The following NDUFAF6 variants were observed in gnomAD, a reference collection of about 807,000 sequenced individuals.
The protein encoded by NDUFAF6 is NADH dehydrogenase (ubiquinone) complex I, assembly factor 6.
A neutral mutation model predicts 40.8 loss-of-function variants in NDUFAF6; 45 were observed. The ratio of observed to expected loss-of-function variants is 1.10; its 90% CI spans 0.87 to 1.42. The LOEUF is 1.42. NDUFAF6 is among the 40% of genes most tolerant of loss of function. The pLI, the probability that NDUFAF6 is intolerant of heterozygous loss-of-function variation, is 0.00. For missense variants in NDUFAF6, 435 were observed against 418.5 expected (o/e 1.04, Z -0.34); for synonymous variants, 185 against 155.9 (o/e 1.19, Z -1.39).
At chr8:95,076,154 T>C (rs1229021055) in exon 10 of NDUFAF6, 1 of 153,492 alleles carries the variant, frequency 6.5e-6, no homozygotes, top group Non-Finnish European at 1.5e-5. Flanking sequence ...CCTCACACAA[T>C]TCACAATTTT....
chr8:94,929,967 T>G (rs369335108), intron 1 of NDUFAF6: 3 of 153,452 alleles, frequency 2.0e-5, no homozygotes, highest in South Asian at 2.1e-4. Flanking sequence ...CCAGCCATAA[T>G]TCCATTATAT....
At chr8:94,998,962 G>A (rs527848333) in intron 2 of NDUFAF6, among the ~76,000 whole-genome samples, 10 of 151,904 alleles carry the variant, frequency 6.6e-5, no homozygotes, top group African/African-American at 1.9e-4. Context: ...TTAGATCAGT[G>A]GTTTTCAAAC....
intron 9 of NDUFAF6, among the ~76,000 whole-genome samples, chr8:95,064,760 G>A (rs1832662295): frequency 6.6e-6 from 1 of 151,978 alleles, no homozygotes; most frequent in Non-Finnish European, 1.5e-5. Flanking sequence ...TCTGATTGTG[G>A]GTGATAAGAC....
intron 1 of NDUFAF6, among the ~76,000 whole-genome samples, chr8:94,902,820 C>T (rs1314432441): frequency 1.3e-5 from 2 of 151,528 alleles, no homozygotes; most frequent in African/African-American, 2.4e-5. Flanking sequence ...CTCAGCCTCC[C>T]GAGTAGTTGG....
chr8:94,956,463 C>T (rs1317966400), upstream of NDUFAF6, among the ~76,000 whole-genome samples: 20 of 152,076 alleles, frequency 1.3e-4, no homozygotes, highest in Non-Finnish European at 2.9e-4. Flanking sequence ...GCAGTGTGGC[C>T]AGAGTGCAGT....
upstream of NDUFAF6, among the ~76,000 whole-genome samples, chr8:95,099,737 T>C (rs776893604): frequency 6.6e-6 from 1 of 152,236 alleles, no homozygotes; most frequent in Non-Finnish European, 1.5e-5. Context: ...CTCCCAGTTA[T>C]GGAGCTTCAG....
intron 2 of NDUFAF6, among the ~76,000 whole-genome samples, chr8:95,006,822 G>A (rs1447444669): frequency 6.6e-6 from 1 of 152,062 alleles, no homozygotes; most frequent in Non-Finnish European, 1.5e-5. Context: ...GGAGGAGGTT[G>A]CAATGAGCCG....
At chr8:95,015,655 TG>T (rs1230893623) in intron 2 of NDUFAF6, among the ~76,000 whole-genome samples, 2 of 152,226 alleles carry the variant, frequency 1.3e-5, no homozygotes, top group Admixed American at 6.5e-5. Flanking sequence ...GGCACTGTGT[TG>T]GAAATTGCAA....
intron 2 of NDUFAF6, among the ~76,000 whole-genome samples, chr8:95,094,078 C>A (rs1430997886): frequency 1.3e-5 from 2 of 151,556 alleles, no homozygotes; most frequent in African/African-American, 2.4e-5. Context: ...TCAAGCGATT[C>A]TCCTGCCTCA....
chr8:94,962,483 G>A (rs1823656391), intron 1 of NDUFAF6, among the ~76,000 whole-genome samples: 1 of 152,156 alleles, frequency 6.6e-6, no homozygotes, highest in South Asian at 2.1e-4. Flanking sequence ...AGTAGACATG[G>A]GGTTTTGCCA....
At chr8:94,940,141 T>A (rs1268359965) in intron 1 of NDUFAF6, 1 of 1,614,180 alleles carries the variant, frequency 6.2e-7, no homozygotes. Context: ...AGGAAAAGAC[T>A]GAAGGGTGCT....
intron 9 of NDUFAF6, chr8:95,072,055 A>G (rs1832883066): frequency 1.3e-5 from 2 of 151,940 alleles, no homozygotes; most frequent in South Asian, 2.1e-4. Flanking sequence ...GCTGGTTTCC[A>G]CCTCATCATT....
chr8:95,035,939 T>C (rs1403609769), intron 3 of NDUFAF6, among the ~76,000 whole-genome samples: 1 of 152,234 alleles, frequency 6.6e-6, no homozygotes, highest in Non-Finnish European at 1.5e-5. Flanking sequence ...ACCAGTGTTT[T>C]AATCCAGGTT....
chr8:95,048,646 C>A, intron 7 of NDUFAF6, 88 bp downstream of exon 7: 2 of 932,784 alleles, frequency 2.1e-6, no homozygotes, highest in Admixed American at 3.6e-5. Flanking sequence ...ATATTCCCAA[C>A]TTGGCAGTCT....
At chr8:94,931,691 T>A (rs1820416529) in intron 1 of NDUFAF6, among the ~76,000 whole-genome samples, 1 of 152,134 alleles carries the variant, frequency 6.6e-6, no homozygotes, top group Non-Finnish European at 1.5e-5. Context: ...AAATTATTTT[T>A]AGGCCAGGCG....
At chr8:95,089,990 A>G (rs1809196002) in intron 2 of NDUFAF6, among the ~76,000 whole-genome samples, 1 of 152,160 alleles carries the variant, frequency 6.6e-6, no homozygotes, top group Non-Finnish European at 1.5e-5. Context: ...CCTCTACCCC[A>G]GGTCCTTCCA....
chr8:95,017,825 C>A (rs1827527526), intron 2 of NDUFAF6, among the ~76,000 whole-genome samples: 1 of 152,150 alleles, frequency 6.6e-6, no homozygotes, highest in Non-Finnish European at 1.5e-5. Flanking sequence ...AACAATCCAA[C>A]AGACTTCTGC....
At chr8:95,092,742 G>A (rs28557120) in intron 2 of NDUFAF6, among the ~76,000 whole-genome samples, 2,321 of 151,996 alleles carry the variant, frequency 0.015, 49 homozygotes, top group African/African-American at 0.044. Context: ...GTGCCACCAC[G>A]CCCGGCTAAT....
chr8:95,084,350 T>G (rs1489905262), intron 2 of NDUFAF6, among the ~76,000 whole-genome samples: 1 of 152,150 alleles, frequency 6.6e-6, no homozygotes, highest in Non-Finnish European at 1.5e-5. Flanking sequence ...TTTAAAAAAC[T>G]ACTACCACAT....
Sources: gnomAD v4.1 joint callset for allele counts (sites outside exome capture counted in the v4.1 genomes callset) on GRCh38, gnomAD v4.1.1 for gene constraint, MANE v1.5 for transcripts, NCBI Gene and HGNC (gene_info 2026-07-23, HGNC 2026-07-21) for gene names.